SIGIRR: variants seen among roughly 807,000 people sequenced by gnomAD.
SIGIRR encodes single Ig IL-1-related receptor.
A neutral mutation model predicts 45.6 loss-of-function variants in SIGIRR; 41 were observed. The ratio of observed to expected loss-of-function variants is 0.90; its 90% CI spans 0.70 to 1.17. SIGIRR has a LOEUF of 1.17. SIGIRR is among the 50% of genes most tolerant of loss of function. The pLI is 0.00. For synonymous variants in SIGIRR, 298 were observed against 239.0 expected (o/e 1.25, Z -2.28); for missense variants, 599 against 539.6 (o/e 1.11, Z -1.09).
Position 405,822 on chromosome 11 carries a change from T to G in SIGIRR, c.*74A>C, listed in dbSNP as rs969149491. Reference sequence around the variant, plus strand: ...CCAGGGCTGCTGGCAGGGGTTGTGGTCCTGTTGAGCAGAGGAGCGACGCCG... The same window carrying G: ...CCAGGGCTGCTGGCAGGGGTTGTGGGCCTGTTGAGCAGAGGAGCGACGCCG... On this transcript the variant is annotated 3_prime_UTR_variant, in exon 10 of 10. Coordinates refer to ENST00000431843, the MANE Select transcript of SIGIRR (RefSeq NM_001135054.2). 20 of 1,487,472 alleles carry G rather than the reference T, an allele frequency of 1.3e-5. No homozygotes were observed. The African/African-American group carries it at 2.5e-4, about 19-fold the overall frequency. The allele number at this position is 1,487,472 out of a possible 1,614,324, so 92.1% of individuals were successfully genotyped here.
rs1368470503 is a variant in SIGIRR at position 407,110 on chromosome 11, A to C, written c.680T>G (p.Val227Gly). 1 of 1,513,346 alleles carries C rather than the reference A, an allele frequency of 6.6e-7. No homozygotes were observed. Among genetic ancestry groups the C allele is most frequent in the Non-Finnish European group, 8.8e-7 (1 of 1,133,884 alleles). 93.7% of individuals were successfully genotyped at this position (1,513,346 alleles called of 1,614,324 possible). A position where few individuals can be genotyped will look rare whatever the true frequency, so the allele number is the denominator to read the frequency against. ...NLSRCRRLIV[V>G]LSDAFLSRAW... The stretch of plus-strand genomic sequence containing the variant: ...CCGGCTCAGGAAGGCGTCCGAAAGC[A>C]CCACGATGAGGCGTCGGCAGCGGCT... The change falls in exon 7 of 10, where the codon GTG (valine) becomes GGG (glycine). Residue 227 changes from valine (V) to glycine (G), a missense_variant. Transcript: ENST00000431843.
chr11:407,315 G>A, intron 6 of SIGIRR, 110 bp downstream of exon 6: 1 of 780,444 alleles, frequency 1.3e-6, no homozygotes, highest in African/African-American at 2.1e-5. Context: ...GGTGGGCGGG[G>A]ATGGGGGCGG....
chr11:416,372 GC>G (rs1484627978), upstream of SIGIRR, among the ~76,000 whole-genome samples: 1 of 152,054 alleles, frequency 6.6e-6, no homozygotes, highest in Non-Finnish European at 1.5e-5. This position sits in a 1 kb window ranked among gnomAD's most constrained non-coding sequence, Gnocchi z 9.1. Context: ...GCACCCCCGA[GC>G]CCCCAGGTCC....
At chr11:407,979 C>T (rs774435571) in intron 4 of SIGIRR, 22 bp from the exon 5 acceptor site, 4 of 1,601,196 alleles carry the variant, frequency 2.5e-6, no homozygotes, top group Non-Finnish European at 3.4e-6. Flanking sequence ...TTGCCTGAGC[C>T]GCTGCCCCTC....
chr11:413,264 C>T (rs1847752588), intron 1 of SIGIRR, among the ~76,000 whole-genome samples: 1 of 152,114 alleles, frequency 6.6e-6, no homozygotes, highest in South Asian at 2.1e-4. Context: ...CCAGGTTTGA[C>T]TGTTTGGCAG....
At position 414,979 on chromosome 11, in the gene SIGIRR, T is replaced by C; in HGVS notation, c.-310A>G. On this transcript the variant is annotated 5_prime_UTR_variant, in exon 1 of 10. Coordinates refer to ENST00000431843, the MANE Select transcript of SIGIRR (RefSeq NM_001135054.2). ...GGTGGGGACCTGGCTTGTGTCTTTGTGTATTTTGATCAGAACTTTCCCTGT... is the reference window on the plus strand; with the variant it reads ...GGTGGGGACCTGGCTTGTGTCTTTGCGTATTTTGATCAGAACTTTCCCTGT... 2 of 637,608 alleles carry C rather than the reference T, an allele frequency of 3.1e-6. No individual in the cohort carries two copies. Among genetic ancestry groups the C allele is most frequent in the Non-Finnish European group, 3.9e-6 (2 of 512,334 alleles). The allele number at this position is 637,608 out of a possible 1,614,324, so 39.5% of individuals were successfully genotyped here. A position where few individuals can be genotyped will look rare whatever the true frequency, so the allele number is the denominator to read the frequency against.
chr11:409,632 T>TACTG (rs1431391585), intron 2 of SIGIRR: 1 of 432,458 alleles, frequency 2.3e-6, no homozygotes, highest in Non-Finnish European at 4.0e-6. Context: ...TCCTGGGCTT[T>TACTG]ACTGACCCTC....
chr11:407,200 G>C, intron 6 of SIGIRR, 36 bp from the exon 7 acceptor site: 2 of 993,328 alleles, frequency 2.0e-6, no homozygotes, highest in Non-Finnish European at 2.7e-6. Flanking sequence ...GCAGGGGCGG[G>C]GGCGGGGGAG....
Position 410,051 on chromosome 11 carries a change from G to A in SIGIRR, c.-153-24C>T, listed in dbSNP as rs1302583006. On this transcript the variant is annotated intron_variant, in intron 1 of 9. Transcript: ENST00000431843. ...GGCTGCCGCCATCCCCAGGGAACAA[G>A]TTAAACAGGAACAGGATGAGTTAAC... The A allele has an allele frequency of 2.4e-6, 3 of 1,238,238 alleles. No homozygotes were observed. The African/African-American group carries it at 4.7e-5, about 19-fold the overall frequency. 76.7% of individuals were successfully genotyped at this position (1,238,238 alleles called of 1,614,324 possible).
chr11:406,188 C>G lies in SIGIRR; in HGVS notation c.1070-129G>C, dbSNP rs1393123384. The G allele has an allele frequency of 7.8e-6, 12 of 1,537,508 alleles. 1 individual carries two copies. Among genetic ancestry groups the G allele is most frequent in the Middle Eastern group, 1.7e-4 (1 of 6,004 alleles). ...AGGCCCAGGAAGTTCCCAGGCAGAC[C>G]GAGGGCCGAGCACCTCCAGGGCAGA... is the stretch of plus-strand genomic sequence containing the variant. On this transcript the variant is annotated intron_variant, in intron 9 of 9. Coordinates refer to ENST00000431843, the MANE Select transcript of SIGIRR (RefSeq NM_001135054.2).
At position 407,171 on chromosome 11, in the gene SIGIRR, G is replaced by T. The variant is rs749857996; in HGVS notation, c.626-7C>A. 1.4e-6 allele frequency: 2 copies of T among 1,445,114 alleles called. No individual in the cohort carries two copies. The highest frequency in any genetic ancestry group is 1.8e-6 in the Non-Finnish European group (2 of 1,100,976). The allele number at this position is 1,445,114 out of a possible 1,614,324, so 89.5% of individuals were successfully genotyped here. ...AAGAGGTCGGCGGAGGGCTCTGCGG[G>T]AGGGCGGGCGTCGGCGGCGCAGGGG... On this transcript the variant is annotated splice_region_variant and splice_polypyrimidine_tract_variant and intron_variant, in intron 6 of 9. Coordinates refer to ENST00000431843, the MANE Select transcript of SIGIRR (RefSeq NM_001135054.2).
intron 2 of SIGIRR, 113 bp downstream of exon 2, chr11:409,755 A>T: frequency 2.5e-6 from 3 of 1,206,604 alleles, no homozygotes; most frequent in Non-Finnish European, 3.2e-6. Context: ...TACCCCCGGC[A>T]TGTGGCCAGG....
Position 410,173 on chromosome 11 carries a change from T to C in SIGIRR, c.-153-146A>G, listed in dbSNP as rs1590379846. On this transcript the variant is annotated intron_variant, in intron 1 of 9. Coordinates refer to ENST00000431843, the MANE Select transcript of SIGIRR (RefSeq NM_001135054.2). ...AGAGTTCTCGGAGGCCAGCAGGGTG[T>C]CTCTTTGAGCCCCTCACACGTGGCC... 8.6e-6 allele frequency: 6 copies of C among 694,698 alleles called. No individual in the cohort carries two copies. In the East Asian group the frequency reaches 2.1e-4, roughly 24 times the overall value. 43.0% of individuals were successfully genotyped at this position (694,698 alleles called of 1,614,324 possible).
At position 407,886 on chromosome 11, in the gene SIGIRR, G is replaced by A. The variant is rs763159926; in HGVS notation, c.412C>T (p.Leu138Phe). 1 of 1,612,546 alleles carries A rather than the reference G, an allele frequency of 6.2e-7. No individual in the cohort carries two copies. Among genetic ancestry groups the A allele is most frequent in the Non-Finnish European group, 8.5e-7 (1 of 1,179,840 alleles). Residue 138 changes from leucine (L) to phenylalanine (F), a missense_variant, in exon 5 of 10, where the codon CTC becomes TTC. Physicochemically the swap from Leu to Phe is conservative, Grantham distance 22. Coordinates refer to ENST00000431843, the MANE Select transcript of SIGIRR (RefSeq NM_001135054.2). ...ACGTTGAGACGGCACTTGACATAGA[G>A]CAGGGCGGCCAGCAGCAGGGCCAGC... is the stretch of plus-strand genomic sequence containing the variant. ...VLLALLLAAL[L>F]YVKCRLNVLL...
Position 407,142 on chromosome 11 carries a change from C to T in SIGIRR, c.648G>A (p.Val216=). Residue 216 remains valine, a synonymous_variant, in exon 7 of 10, where the codon GTG becomes GTA. Coordinates refer to ENST00000431843, the MANE Select transcript of SIGIRR (RefSeq NM_001135054.2). Reference sequence around the variant, plus strand: ...TGAGGCGTCGGCAGCGGCTCAGGTTCACCAAGAGGTCGGCGGAGGGCTCTG... The same window carrying T: ...TGAGGCGTCGGCAGCGGCTCAGGTTTACCAAGAGGTCGGCGGAGGGCTCTG... ...PRAEPSADLL[V]NLSRCRRLIV... 6.5e-7 allele frequency: 1 copy of T among 1,543,584 alleles called. No individual in the cohort carries two copies.
chr11:413,165 C>T (rs556938258), intron 1 of SIGIRR, among the ~76,000 whole-genome samples: 2 of 152,286 alleles, frequency 1.3e-5, no homozygotes, highest in African/African-American at 4.8e-5. Flanking sequence ...CAGGATTCCT[C>T]CCCGCTAAGG....
Position 408,282 on chromosome 11 carries a change from A to C in SIGIRR, c.207-76T>G. The C allele has an allele frequency of 1.9e-6, 3 of 1,548,056 alleles. No homozygotes were observed. The South Asian group carries it at 3.6e-5, about 19-fold the overall frequency. On this transcript the variant is annotated intron_variant, in intron 3 of 9. Transcript: ENST00000431843. ...CCCCGAACCCCACCTGTCTGGGTTC[A>C]CCCAGGGAGGCTGCAGAATTGGGCC...
intron 8 of SIGIRR, 47 bp from the exon 9 acceptor site, chr11:406,585 C>G (rs1244256437): frequency 6.5e-7 from 1 of 1,547,888 alleles, no homozygotes; most frequent in Non-Finnish European, 8.7e-7. Context: ...ACCTCGGAAG[C>G]CCCTGGCGTC....
intron 3 of SIGIRR, 60 bp downstream of exon 3, chr11:408,635 G>C (rs1307155506): frequency 6.3e-7 from 1 of 1,591,394 alleles, no homozygotes; most frequent in Non-Finnish European, 8.6e-7. Flanking sequence ...AGGTCAGGGA[G>C]ACCACTGCCC....
Sources: allele counts gnomAD v4.1 joint callset (sites outside exome capture counted in the v4.1 genomes callset), GRCh38; gene constraint gnomAD v4.1.1; non-coding constraint Gnocchi (gnomAD v3.1); transcripts MANE v1.5; gene names NCBI Gene and HGNC (gene_info 2026-07-23, HGNC 2026-07-21).